The following MYO5A variants were observed in gnomAD, a reference collection of about 807,000 sequenced individuals.
MYO5A encodes myosin VA, also known as unconventional myosin-Va.
A neutral mutation model predicts 249.7 loss-of-function variants in MYO5A; 98 were observed. That is an observed-to-expected ratio of 0.39 (90% confidence interval 0.33 to 0.46). The LOEUF (loss-of-function observed/expected upper bound fraction) is 0.46. MYO5A is among the 20% of genes least tolerant of loss of function. MYO5A has a pLI of 0.98. For missense variants in MYO5A, 1,696 were observed against 2,308.8 expected (o/e 0.73, Z 5.44); for synonymous variants, 778 against 810.6 (o/e 0.96, Z 0.68).
intron 1 of MYO5A, among the ~76,000 whole-genome samples, chr15:52,438,839 C>T (rs1225945658): frequency 2.6e-5 from 4 of 152,324 alleles, no homozygotes; most frequent in South Asian, 2.1e-4. Context: ...TGTTACGGCT[C>T]GAGCTGAGCT....
At position 52,330,519 on chromosome 15, in the gene MYO5A, G is replaced by A. The variant is rs1246596898; in HGVS notation, c.4409-20C>T. The A allele has an allele frequency of 3.7e-6, 6 of 1,613,684 alleles. No individual in the cohort carries two copies. The highest frequency in any genetic ancestry group is 4.2e-6 in the Non-Finnish European group (5 of 1,179,792). ...GGCCCACTTTATGAGAAGTAAGAAA[G>A]GAGGAGAAAATGTTTTCCATATAAA... On this transcript the variant is annotated intron_variant, in intron 34 of 41. Transcript: ENST00000399233.
intron 12 of MYO5A, 147 bp downstream of exon 12, chr15:52,391,783 T>A (rs996986525): frequency 9.4e-6 from 7 of 741,460 alleles, no homozygotes; most frequent in Non-Finnish European, 1.6e-5. Context: ...TGGGGTCTAG[T>A]GTCCCTTTGG....
At chr15:52,379,500 C>T in intron 18 of MYO5A, 125 bp downstream of exon 18, 1 of 804,502 alleles carries the variant, frequency 1.2e-6, no homozygotes, top group Non-Finnish European at 2.1e-6. Context: ...AGTAGTGTGC[C>T]CCTCTCTGAT....
intron 1 of MYO5A, among the ~76,000 whole-genome samples, chr15:52,469,026 C>T (rs1023040868): frequency 2.2e-4 from 33 of 151,964 alleles, no homozygotes; most frequent in Admixed American, 1.6e-3. Context: ...AATTTTCCCA[C>T]GGAGATACTA....
Position 52,346,439 on chromosome 15 carries a change from A to C in MYO5A, c.3881T>G (p.Ile1294Arg). 1 of 1,598,438 alleles carries C rather than the reference A, an allele frequency of 6.3e-7. No homozygotes were observed. Among genetic ancestry groups the C allele is most frequent in the African/African-American group, 1.3e-5 (1 of 74,738 alleles). ...DDKNTMTDST[I>R]LLEDVQKMKD... ...CATTTTTTGTACATCTTCCAAAAGT[A>C]TTGTGGAATCTGTCATTGTATTCTG... is the stretch of plus-strand genomic sequence containing the variant. The change falls in exon 30 of 42, where the codon ATA becomes AGA. Residue 1294 changes from isoleucine (I) to arginine (R), a missense_variant. Ile to Arg is a moderately conservative substitution (Grantham distance 97). This residue lies in a region of MYO5A where 625 missense variants were observed against 908.1 expected (regional missense o/e 0.69). Transcript: ENST00000399233.
intron 1 of MYO5A, among the ~76,000 whole-genome samples, chr15:52,483,102 C>A (rs1453825289): frequency 1.3e-5 from 2 of 152,218 alleles, no homozygotes; most frequent in African/African-American, 4.8e-5. Context: ...TTCTGGTACA[C>A]CACTGCTAAT....
intron 1 of MYO5A, among the ~76,000 whole-genome samples, chr15:52,478,361 G>C (rs1330882060): frequency 2.6e-5 from 4 of 152,124 alleles, no homozygotes; most frequent in African/African-American, 7.2e-5. Flanking sequence ...TGTGCTTCCT[G>C]GGTGAGGCGA....
chr15:52,350,184 G>A (rs931891239), intron 28 of MYO5A, among the ~76,000 whole-genome samples: 20 of 152,080 alleles, frequency 1.3e-4, no homozygotes, highest in African/African-American at 3.4e-4. Context: ...TGCCCGCCTC[G>A]GCCTCCCAAA....
rs1342819300 is a variant in MYO5A, at chr15:52,405,329, A to G, written c.1011T>C (p.Asn337=). The part of the protein sequence containing the change: ...RILAGILHLG[N]VGFTSRDADS... ...CTGCATCTCGGGATGTAAATCCAAC[A>G]TTGCCTAAGTGAAGGATGCCAGCAA... is the stretch of plus-strand genomic sequence containing the variant. The change falls in exon 9 of 42, where the codon AAT becomes AAC. Residue 337 remains asparagine, a synonymous_variant. Transcript: ENST00000399233. 7 of 1,613,892 alleles carry G rather than the reference A, an allele frequency of 4.3e-6. No homozygotes were observed. In the African/African-American group the frequency reaches 5.3e-5, roughly 12 times the overall value.
At chr15:52,451,251 T>A (rs533710537) in intron 1 of MYO5A, among the ~76,000 whole-genome samples, 2 of 152,142 alleles carry the variant, frequency 1.3e-5, no homozygotes, top group African/African-American at 4.8e-5. Context: ...TCTCCTTCAC[T>A]CCTGTAACAA....
intron 1 of MYO5A, among the ~76,000 whole-genome samples, chr15:52,503,851 C>T (rs1566862170): frequency 6.6e-6 from 1 of 152,064 alleles, no homozygotes; most frequent in Non-Finnish European, 1.5e-5. Flanking sequence ...CTTTCCATAC[C>T]AAATGAACAA....
intron 1 of MYO5A, among the ~76,000 whole-genome samples, chr15:52,521,729 G>A (rs755801087): frequency 2.0e-5 from 3 of 152,254 alleles, no homozygotes; most frequent in Non-Finnish European, 4.4e-5. Flanking sequence ...ATGCCTGCTA[G>A]TTAAAAAGAA....
At chr15:52,345,205 T>G (rs2039557688) in intron 30 of MYO5A, among the ~76,000 whole-genome samples, 1 of 152,210 alleles carries the variant, frequency 6.6e-6, no homozygotes, top group Non-Finnish European at 1.5e-5. Context: ...CTAGATTACT[T>G]ATAATACCTA....
At position 52,340,193 on chromosome 15, in the gene MYO5A, T is replaced by C. The variant is rs760625478; in HGVS notation, c.4239+3A>G. 4 of 1,614,006 alleles carry C rather than the reference T, an allele frequency of 2.5e-6. No individual in the cohort carries two copies. In the Admixed American group the frequency reaches 5.0e-5, roughly 20 times the overall value. On this transcript the variant is annotated splice_donor_region_variant and intron_variant, in intron 32 of 41. Transcript: ENST00000399233. ...AGCATGTGGACCCGGCAGCTCTCCT[T>C]ACCAAGTTTTCGTTGGTCAGCCGGG...
chr15:52,460,163 C>A (rs1384172199), intron 1 of MYO5A, among the ~76,000 whole-genome samples: 1 of 146,262 alleles, frequency 6.8e-6, no homozygotes, highest in Admixed American at 6.8e-5. Flanking sequence ...ACTTCCCAGA[C>A]TGGGCGGCCA....
chr15:52,309,866 G>C lies in MYO5A; in HGVS notation c.*3830C>G, dbSNP rs568253517. ...TGTGTGTGTGTGTATGTGTGTGTGT[G>C]TGTGTGTAAGAGAGAAAGGGCATTG... On this transcript the variant is annotated 3_prime_UTR_variant, in exon 42 of 42. Coordinates refer to ENST00000399233, the MANE Select transcript of MYO5A (RefSeq NM_001382347.1). 6.6e-6 allele frequency: 1 copy of C among 152,106 alleles called. No homozygotes were observed. The highest frequency in any genetic ancestry group is 2.1e-4 in the South Asian group (1 of 4,792). The allele number at this position is 152,106 out of a possible 1,614,324, so 9.4% of individuals were successfully genotyped here.
At chr15:52,327,135 C>T (rs2038646132) in intron 36 of MYO5A, among the ~76,000 whole-genome samples, 1 of 152,130 alleles carries the variant, frequency 6.6e-6, no homozygotes, top group South Asian at 2.1e-4. Context: ...AATGTTTTAT[C>T]AGACATCTTT....
chr15:52,483,541 C>CAAAA (rs3985805), intron 1 of MYO5A, among the ~76,000 whole-genome samples: 14 of 151,892 alleles, frequency 9.2e-5, no homozygotes, highest in Non-Finnish European at 1.8e-4. Context: ...ACAACAACAA[C>CAAAA]AAAAAACTAT....
Position 52,528,833 on chromosome 15 carries a change from C to G in MYO5A, c.-27G>C, listed in dbSNP as rs531943467. 2.0e-4 allele frequency: 295 copies of G among 1,473,618 alleles called. No homozygotes were observed. In the African/African-American group the frequency reaches 3.5e-3, roughly 18 times the overall value. The allele number at this position is 1,473,618 out of a possible 1,614,324, so 91.3% of individuals were successfully genotyped here. The stretch of plus-strand genomic sequence containing the variant: ...GCGGGCCCCGCGCGCCTACGCCCCC[C>G]GCCTGTGCGGAGGCCGCACCTCGCC... On this transcript the variant is annotated 5_prime_UTR_variant, in exon 1 of 42. Coordinates refer to ENST00000399233, the MANE Select transcript of MYO5A (RefSeq NM_001382347.1).
Sources: allele counts gnomAD v4.1 joint callset (sites outside exome capture counted in the v4.1 genomes callset), GRCh38; gene constraint gnomAD v4.1.1; regional missense constraint gnomAD v4.1.1; transcripts MANE v1.5; gene names NCBI Gene and HGNC (gene_info 2026-07-23, HGNC 2026-07-21).